Variants in PRNP observed in about 807,000 individuals in gnomAD.
PRNP encodes the protein prion protein (Kanno blood group), also known as major prion protein.
In PRNP, 15 loss-of-function variants were observed where a neutral mutation model predicts 21.3. The observed-to-expected ratio is 0.71, with a 90% confidence interval of 0.47 to 1.09. The LOEUF (loss-of-function observed/expected upper bound fraction) is 1.09. PRNP is among the 50% of genes least tolerant of loss of function. PRNP has a pLI of 0.00. For missense variants in PRNP, 285 were observed against 340.9 expected, an observed-to-expected ratio of 0.84 and a Z score of 1.29; for synonymous variants, 121 against 123.1, an observed-to-expected ratio of 0.98 and a Z score of 0.11.
Position 4,699,911 on chromosome 20 carries a change from A to G in PRNP, c.691A>G (p.Ser231Gly). 1 of 1,613,718 alleles carries G rather than the reference A, an allele frequency of 6.2e-7. No homozygotes were observed. Among genetic ancestry groups the G allele is most frequent in the South Asian group, 1.1e-5 (1 of 91,048 alleles). The change falls in exon 2 of 2, where the codon AGC becomes GGC. Residue 231 changes from serine (S) to glycine (G), a missense_variant. Coordinates refer to ENST00000379440, the MANE Select transcript of PRNP (RefSeq NM_000311.5). The surrounding 1 kb of genome is among the most constrained non-coding windows in gnomAD (Gnocchi z 5.8). ...ESQAYYQRGS[S>G]MVLFSSPPVI... ...TCAGGCCTATTACCAGAGAGGATCG[A>G]GCATGGTCCTCTTCTCCTCTCCACC... is the stretch of plus-strand genomic sequence containing the variant.
rs1189002405 is a variant in PRNP, at chr20:4,697,698, G to A, written c.-10-1513G>A. On this transcript the variant is annotated intron_variant, in intron 1 of 1. Coordinates refer to ENST00000379440, the MANE Select transcript of PRNP (RefSeq NM_000311.5). The surrounding 1 kb of genome is among the most constrained non-coding windows in gnomAD (Gnocchi z 4.6). ...CCAGAGTACAAAGGAGCCTCACTGA[G>A]GGACAAGGGAAGTGGCATGATGTGA... Among the ~76,000 whole-genome samples, 1 of 152,186 alleles carries A rather than the reference G, an allele frequency of 6.6e-6. No homozygotes were observed. The highest frequency in any genetic ancestry group is 1.5e-5 in the Non-Finnish European group (1 of 68,040).
chr20:4,698,762 A>G lies in PRNP; in HGVS notation c.-10-449A>G, dbSNP rs554031902. 1.4e-4 allele frequency among the ~76,000 whole-genome samples: 22 copies of G among 152,310 alleles called. No homozygotes were observed. The East Asian group carries it at 4.1e-3, about 28-fold the overall frequency. On this transcript the variant is annotated intron_variant, in intron 1 of 1. Transcript: ENST00000379440. ...AGGGTACAGCAGGTACTGTTTAGCA[A>G]TCATTTTACTATTGTCATAGGTCTC...
chr20:4,687,044 G>A (rs1921491827), intron 1 of PRNP, among the ~76,000 whole-genome samples: 2 of 152,024 alleles, frequency 1.3e-5, no homozygotes, highest in South Asian at 4.1e-4. Context: ...ATGCCCAGAG[G>A]GTGCTTGGGG....
At chr20:4,688,289 G>A (rs558040185) in intron 1 of PRNP, among the ~76,000 whole-genome samples, 159 of 152,266 alleles carry the variant, frequency 1.0e-3, no homozygotes, top group African/African-American at 3.4e-3. Context: ...CTGGGGAGGT[G>A]GCAGGGCTTT....
rs1922571319 is a variant in PRNP, at chr20:4,700,993, C to T, written c.*1011C>T. The T allele has an allele frequency of 6.0e-6, 1 of 166,838 alleles. No homozygotes were observed. Among genetic ancestry groups the T allele is most frequent in the African/African-American group, 2.4e-5 (1 of 41,430 alleles). The allele number at this position is 166,838 out of a possible 1,614,324, so 10.3% of individuals were successfully genotyped here. On this transcript the variant is annotated 3_prime_UTR_variant, in exon 2 of 2. Coordinates refer to ENST00000379440, the MANE Select transcript of PRNP (RefSeq NM_000311.5). This position sits in a 1 kb window ranked among gnomAD's most constrained non-coding sequence, Gnocchi z 4.1. Reference sequence around the variant, plus strand: ...ACTGCTTGCATTTCTTTATTTCTGTCTCATAATTGTCAAAAACCAGAATTA... The same window carrying T: ...ACTGCTTGCATTTCTTTATTTCTGTTTCATAATTGTCAAAAACCAGAATTA...
intron 1 of PRNP, among the ~76,000 whole-genome samples, chr20:4,696,030 C>T (rs1199154622): frequency 6.6e-6 from 1 of 152,132 alleles, no homozygotes; most frequent in Non-Finnish European, 1.5e-5. Context: ...TGAGCTTTAC[C>T]GTCCAGTCTT....
rs1921461852 is a variant in PRNP, at chr20:4,686,729, C to G, written c.-11+217C>G. ...GCTCGGGTGAGGCGGCTTGGCTTCG[C>G]TTTTCAGGTTAGGAAAGCTCCCTTT... On this transcript the variant is annotated intron_variant, in intron 1 of 1. Coordinates refer to ENST00000379440, the MANE Select transcript of PRNP (RefSeq NM_000311.5). The surrounding 1 kb of genome is among the most constrained non-coding windows in gnomAD (Gnocchi z 6.7). 6.6e-6 allele frequency: 1 copy of G among 152,194 alleles called. No individual in the cohort carries two copies. Among genetic ancestry groups the G allele is most frequent in the Admixed American group, 6.6e-5 (1 of 15,250 alleles). 9.4% of individuals were successfully genotyped at this position (152,194 alleles called of 1,614,324 possible).
intron 1 of PRNP, among the ~76,000 whole-genome samples, chr20:4,689,551 A>G (rs1921687809): frequency 6.6e-6 from 1 of 152,248 alleles, no homozygotes; most frequent in Non-Finnish European, 1.5e-5. Context: ...ATGGCTGTCA[A>G]CCAACTAGCC....
At chr20:4,692,234 C>T (rs926604201) in intron 1 of PRNP, among the ~76,000 whole-genome samples, 6 of 152,134 alleles carry the variant, frequency 3.9e-5, no homozygotes, top group Non-Finnish European at 8.8e-5. Context: ...AGCTTGCCTA[C>T]TACTTATTTT....
Position 4,699,656 on chromosome 20 carries a change from G to A in PRNP, c.436G>A (p.Glu146Lys). Residue 146 changes from glutamate to lysine, a missense_variant, in exon 2 of 2, where the codon GAG becomes AAG. Coordinates refer to ENST00000379440, the MANE Select transcript of PRNP (RefSeq NM_000311.5). The surrounding 1 kb of genome is among the most constrained non-coding windows in gnomAD (Gnocchi z 5.8). Reference protein sequence around the residue: ...RPIIHFGSDYEDRYYRENMHR... With the variant: ...RPIIHFGSDYKDRYYRENMHR... ...CATCATACATTTCGGCAGTGACTAT[G>A]AGGACCGTTACTATCGTGAAAACAT... 6.2e-7 allele frequency: 1 copy of A among 1,614,146 alleles called. No individual in the cohort carries two copies. Among genetic ancestry groups the A allele is most frequent in the East Asian group, 2.2e-5 (1 of 44,872 alleles).
intron 1 of PRNP, among the ~76,000 whole-genome samples, chr20:4,694,645 C>A (rs1386603003): frequency 1.3e-5 from 2 of 151,726 alleles, no homozygotes; most frequent in African/African-American, 4.8e-5. Flanking sequence ...TTATTAAATT[C>A]GATTTTCATC....
chr20:4,698,359 A>G (rs1326656885), intron 1 of PRNP, among the ~76,000 whole-genome samples: 2 of 152,218 alleles, frequency 1.3e-5, no homozygotes, highest in African/African-American at 4.8e-5. Context: ...CAGTTTAATC[A>G]TTAGCTCTGA....
rs1922387474 is a variant in PRNP, at chr20:4,699,356, G to A, written c.136G>A (p.Gly46Ser). ...ATACCCGGGGCAGGGCAGCCCTGGA[G>A]GCAACCGCTACCCACCTCAGGGCGG... is the stretch of plus-strand genomic sequence containing the variant. ...SRYPGQGSPG[G>S]NRYPPQGGGG... Residue 46 changes from glycine (G) to serine (S), a missense_variant, in exon 2 of 2, where the codon GGC (glycine) becomes AGC (serine). Physicochemically the swap from Gly to Ser is moderately conservative, Grantham distance 56. Transcript: ENST00000379440. This position sits in a 1 kb window ranked among gnomAD's most constrained non-coding sequence, Gnocchi z 5.8. 1.2e-6 allele frequency: 2 copies of A among 1,613,636 alleles called. No homozygotes were observed. The highest frequency in any genetic ancestry group is 1.3e-5 in the African/African-American group (1 of 74,832).
chr20:4,698,465 A>T (rs1218070400), intron 1 of PRNP, among the ~76,000 whole-genome samples: 1 of 152,218 alleles, frequency 6.6e-6, no homozygotes, highest in Non-Finnish European at 1.5e-5. Flanking sequence ...ATGTTCTAAA[A>T]TTGGCAACAG....
chr20:4,701,152 A>G lies in PRNP; in HGVS notation c.*1170A>G, dbSNP rs1336503679. Reference sequence around the variant, plus strand: ...AAAAGAAATTCTGTTAATGTTAATTAAAGTAAAATTATTCCCTGAATTGTT... The same window carrying G: ...AAAAGAAATTCTGTTAATGTTAATTGAAGTAAAATTATTCCCTGAATTGTT... On this transcript the variant is annotated 3_prime_UTR_variant, in exon 2 of 2. Coordinates refer to ENST00000379440, the MANE Select transcript of PRNP (RefSeq NM_000311.5). This position sits in a 1 kb window ranked among gnomAD's most constrained non-coding sequence, Gnocchi z 4.2. 4 of 166,582 alleles carry G rather than the reference A, an allele frequency of 2.4e-5. No individual in the cohort carries two copies. In the Admixed American group the frequency reaches 2.6e-4, roughly 11 times the overall value. 10.3% of individuals were successfully genotyped at this position (166,582 alleles called of 1,614,324 possible). A position where few individuals can be genotyped will look rare whatever the true frequency, so the allele number is the denominator to read the frequency against.
At chr20:4,688,651 T>G (rs1208938410) in intron 1 of PRNP, among the ~76,000 whole-genome samples, 1 of 152,108 alleles carries the variant, frequency 6.6e-6, no homozygotes, top group Non-Finnish European at 1.5e-5. Flanking sequence ...GCTAAGAAAA[T>G]TATGACACAT....
intron 1 of PRNP, among the ~76,000 whole-genome samples, chr20:4,689,191 G>A (rs1469720134): frequency 2.0e-5 from 3 of 152,044 alleles, no homozygotes; most frequent in Admixed American, 6.5e-5. Flanking sequence ...TGAGCTTTCC[G>A]TCTTCCTGGA....
At chr20:4,696,675 T>C (rs980199021) in intron 1 of PRNP, among the ~76,000 whole-genome samples, 3 of 152,192 alleles carry the variant, frequency 2.0e-5, no homozygotes, top group African/African-American at 7.2e-5. Flanking sequence ...TATTTCTGAG[T>C]GTATTCTTAG....
intron 1 of PRNP, among the ~76,000 whole-genome samples, chr20:4,693,689 A>G (rs1302803030): frequency 6.6e-6 from 1 of 152,114 alleles, no homozygotes; most frequent in Non-Finnish European, 1.5e-5. Flanking sequence ...ATCTTATTCA[A>G]AACTGTGTCC....
Sources: allele counts gnomAD v4.1 joint callset (sites outside exome capture counted in the v4.1 genomes callset), GRCh38; gene constraint gnomAD v4.1.1; non-coding constraint Gnocchi (gnomAD v3.1); transcripts MANE v1.5; gene names NCBI Gene and HGNC (gene_info 2026-07-23, HGNC 2026-07-21).